PTK6: variants seen among roughly 807,000 people sequenced by gnomAD.
PTK6 encodes protein tyrosine kinase 6, also known as protein-tyrosine kinase 6.
In PTK6, 47 loss-of-function variants were observed where a neutral mutation model predicts 47.5. The ratio of observed to expected loss-of-function variants is 0.99; its 90% CI spans 0.78 to 1.26. The LOEUF (loss-of-function observed/expected upper bound fraction) is 1.26. PTK6 is among the 50% of genes most tolerant of loss of function. PTK6 has a pLI of 0.00. For synonymous variants in PTK6, 287 were observed against 276.5 expected, an observed-to-expected ratio of 1.04 and a Z score of -0.38; for missense variants, 618 against 625.3, an observed-to-expected ratio of 0.99 and a Z score of 0.12.
intron 5 of PTK6, 96 bp from the exon 6 acceptor site, chr20:63,531,023 C>T: frequency 8.4e-7 from 1 of 1,190,822 alleles, no homozygotes; most frequent in Non-Finnish European, 1.1e-6. Flanking sequence ...TGCCTCCAAG[C>T]TCTGCGGGCT....
chr20:63,529,129 G>A lies in PTK6; in HGVS notation c.*407C>T, dbSNP rs181571499. On this transcript the variant is annotated 3_prime_UTR_variant, in exon 8 of 8. Coordinates refer to ENST00000542869, the MANE Select transcript of PTK6 (RefSeq NM_005975.4). The surrounding 1 kb of genome is among the most constrained non-coding windows in gnomAD (Gnocchi z 5.6). ...GCACCAAAACCAAATTTACATGAGC[G>A]TCCCGAGCCACGCGAATGACTTTCT... 56 of 159,104 alleles carry A rather than the reference G, an allele frequency of 3.5e-4. No individual in the cohort carries two copies. Among genetic ancestry groups the A allele is most frequent in the Admixed American group, 1.3e-4 (2 of 15,574 alleles). 9.9% of individuals were successfully genotyped at this position (159,104 alleles called of 1,614,324 possible).
chr20:63,535,473 G>A (rs1569013512), intron 1 of PTK6, among the ~76,000 whole-genome samples: 1 of 151,908 alleles, frequency 6.6e-6, no homozygotes, highest in Non-Finnish European at 1.5e-5. Context: ...ACACACACGC[G>A]CATGTGTGCT....
At chr20:63,532,175 GTCTGTGTGTGTCCGTGTGA>G (rs1418209075) in intron 5 of PTK6, among the ~76,000 whole-genome samples, 4 of 141,128 alleles carry the variant, frequency 2.8e-5, no homozygotes, top group Admixed American at 1.3e-4. Flanking sequence ...GTGTGTGTGT[GTCTGTGTGTGTCCGTGTGA>G]TCTGTGTGTG....
chr20:63,532,727 C>T (rs754359474), intron 4 of PTK6, 40 bp from the exon 5 acceptor site: 2 of 1,599,480 alleles, frequency 1.3e-6, no homozygotes, highest in Non-Finnish European at 1.7e-6. Context: ...AGCCCCTGAC[C>T]CCCCAGGCCC....
rs1361148392 is a variant in PTK6, at chr20:63,534,292, G to GCCGCACAGCCTGCGTGTC, written c.358_375dup (p.Asp120_Arg125dup). 6.2e-7 allele frequency: 1 copy of GCCGCACAGCCTGCGTGTC among 1,607,416 alleles called. No individual in the cohort carries two copies. The highest frequency in any genetic ancestry group is 1.1e-5 in the South Asian group (1 of 90,134). On this transcript the variant is annotated inframe_insertion, in exon 3 of 8. Transcript: ENST00000542869. ...CCGGCACGCCGCCAGATCTTGTAGTGCCGCACAGCCTGCGTGTCCCGCACT... is the reference window on the plus strand; with the variant it reads ...CCGGCACGCCGCCAGATCTTGTAGTGCCGCACAGCCTGCGTGTCCCGCACAGCCTGCGTGTCCCGCACT...
chr20:63,530,371 G>T lies in PTK6; in HGVS notation c.1015-140C>A. ...GTCTGACCCACGCACGGCCGCTGCA[G>T]CTAAGGCCACACTGGGGCCTGACCA... On this transcript the variant is annotated intron_variant, in intron 6 of 7. Transcript: ENST00000542869. This position sits in a 1 kb window ranked among gnomAD's most constrained non-coding sequence, Gnocchi z 4.1. The T allele has an allele frequency of 8.8e-7, 1 of 1,134,930 alleles. No individual in the cohort carries two copies. The highest frequency in any genetic ancestry group is 1.2e-6 in the Non-Finnish European group (1 of 803,750). 70.3% of individuals were successfully genotyped at this position (1,134,930 alleles called of 1,614,324 possible). A position where few individuals can be genotyped will look rare whatever the true frequency, so the allele number is the denominator to read the frequency against.
rs188285303 is a variant in PTK6 at position 63,528,114 on chromosome 20, G to A, written c.*1422C>T. 6.6e-6 allele frequency: 1 copy of A among 152,270 alleles called. No homozygotes were observed. Among genetic ancestry groups the A allele is most frequent in the East Asian group, 1.9e-4 (1 of 5,194 alleles). The allele number at this position is 152,270 out of a possible 1,614,324, so 9.4% of individuals were successfully genotyped here. On this transcript the variant is annotated 3_prime_UTR_variant, in exon 8 of 8. Transcript: ENST00000542869. Reference sequence around the variant, plus strand: ...AACCAAAATTATGACTGATAACATTGCACCAGATTTCTAGGAATAGCATGT... The same window carrying A: ...AACCAAAATTATGACTGATAACATTACACCAGATTTCTAGGAATAGCATGT...
In PTK6 at chr20:63,530,796, C is replaced by T; in HGVS notation, c.964G>A (p.Glu322Lys). The T allele has an allele frequency of 1.2e-6, 2 of 1,614,112 alleles. No homozygotes were observed. The highest frequency in any genetic ancestry group is 1.7e-6 in the Non-Finnish European group (2 of 1,179,992). The part of the protein sequence containing the change: ...DLAARNILVG[E>K]NTLCKVGDFG... The stretch of plus-strand genomic sequence containing the variant: ...TCCCCAACTTTGCAGAGGGTGTTTT[C>T]CCCGACGAGGATGTTCCTGGCGGCC... Residue 322 changes from glutamate to lysine, a missense_variant, in exon 6 of 8, where the codon GAA (glutamate) becomes AAA (lysine). By Grantham distance (56) the Glu-to-Lys change is moderately conservative. Coordinates refer to ENST00000542869, the MANE Select transcript of PTK6 (RefSeq NM_005975.4). The surrounding 1 kb of genome is among the most constrained non-coding windows in gnomAD (Gnocchi z 4.1).
Position 63,534,968 on chromosome 20 carries a change from C to A in PTK6, c.322G>T (p.Glu108Ter), listed in dbSNP as rs754276353. ...ATGAFLIRVSEKPSADYVLSV... is the reference protein window; with the variant it reads ...ATGAFLIRVS ...AGGACGTAGTCGGCACTCGGCTTCTCGCTGACCCTGATCAGGAAGGCGCCC... is the reference window on the plus strand; with the variant it reads ...AGGACGTAGTCGGCACTCGGCTTCTAGCTGACCCTGATCAGGAAGGCGCCC... Residue 108 changes from glutamate (E) to a stop codon, truncating the protein, a stop_gained, in exon 2 of 8, where the codon GAG becomes TAG. Coordinates refer to ENST00000542869, the MANE Select transcript of PTK6 (RefSeq NM_005975.4). LOFTEE classifies it high-confidence loss of function. 5.6e-6 allele frequency: 9 copies of A among 1,606,752 alleles called. No individual in the cohort carries two copies. Among genetic ancestry groups the A allele is most frequent in the Middle Eastern group, 1.7e-4 (1 of 6,060 alleles).
Position 63,532,449 on chromosome 20 carries a change from G to A in PTK6, c.832+77C>T, listed in dbSNP as rs2082632271. On this transcript the variant is annotated intron_variant, in intron 5 of 7. Transcript: ENST00000542869. ...TGTCTACGTGTGTGTGTGTGTAGAC[G>A]TGGGGGGGGGGTGTGCACTTTATTT... The A allele has an allele frequency of 1.3e-5, 19 of 1,420,072 alleles. No homozygotes were observed. The South Asian group carries it at 1.4e-4, about 10-fold the overall frequency. The allele number at this position is 1,420,072 out of a possible 1,614,324, so 88.0% of individuals were successfully genotyped here. A position where few individuals can be genotyped will look rare whatever the true frequency, so the allele number is the denominator to read the frequency against.
intron 3 of PTK6, 25 bp downstream of exon 3, chr20:63,534,127 G>A (rs1464007006): frequency 6.6e-7 from 1 of 1,524,846 alleles, no homozygotes; most frequent in Non-Finnish European, 8.8e-7. Flanking sequence ...GACCCCGCGT[G>A]ACCAAGTCAG....
Position 63,533,408 on chromosome 20 carries a change from G to A in PTK6, c.670+143C>T. The A allele has an allele frequency of 1.1e-6, 1 of 939,468 alleles. No individual in the cohort carries two copies. The highest frequency in any genetic ancestry group is 1.5e-6 in the Non-Finnish European group (1 of 676,004). The allele number at this position is 939,468 out of a possible 1,614,324, so 58.2% of individuals were successfully genotyped here. A position where few individuals can be genotyped will look rare whatever the true frequency, so the allele number is the denominator to read the frequency against. ...ATAAATGTATTTAGGTAAAAACATAGGTGCAATTGAAAGGGAACCACTCTC... is the reference window on the plus strand; with the variant it reads ...ATAAATGTATTTAGGTAAAAACATAAGTGCAATTGAAAGGGAACCACTCTC... On this transcript the variant is annotated intron_variant, in intron 4 of 7. Transcript: ENST00000542869. This position sits in a 1 kb window ranked among gnomAD's most constrained non-coding sequence, Gnocchi z 4.0.
intron 5 of PTK6, among the ~76,000 whole-genome samples, chr20:63,531,924 G>A (rs75861211): frequency 0.021 from 3,138 of 152,354 alleles, 54 homozygotes; most frequent in Non-Finnish European, 0.028. Context: ...GCAAACGTGC[G>A]TGGTGCCTCA....
chr20:63,531,289 C>T (rs1020509084), intron 5 of PTK6, among the ~76,000 whole-genome samples: 43 of 151,020 alleles, frequency 2.8e-4, no homozygotes, highest in Admixed American at 1.3e-3. Context: ...GGCGTGGTGG[C>T]GGGCGCCTGT....
rs2082634453 is a variant in PTK6 at position 63,532,635 on chromosome 20, C to T, written c.723G>A (p.Lys241=). 1.2e-6 allele frequency: 2 copies of T among 1,614,154 alleles called. No individual in the cohort carries two copies. Among genetic ancestry groups the T allele is most frequent in the African/African-American group, 1.3e-5 (1 of 75,078 alleles). Residue 241 remains lysine (K), a synonymous_variant, in exon 5 of 8, where the codon AAG becomes AAA. Transcript: ENST00000542869. ...GCGCCAGGATGTGTTTGTGCCGCAG[C>T]TTCTTCATGGCCTGGATCTCCGACT... The part of the protein sequence containing the change: ...MLQSEIQAMK[K]LRHKHILALY...
rs559931657 is a variant in PTK6, at chr20:63,532,657, G to A, written c.701C>T (p.Ser234Leu). Residue 234 changes from serine to leucine, a missense_variant, in exon 5 of 8, where the codon TCG becomes TTG. By Grantham distance (145) the Ser-to-Leu change is moderately radical. Coordinates refer to ENST00000542869, the MANE Select transcript of PTK6 (RefSeq NM_005975.4). ...CAGCTTCTTCATGGCCTGGATCTCC[G>A]ACTGCAGCATCTGCTGGTGCAGGAG... ...DNLLHQQMLQ[S>L]EIQAMKKLRH... 1.1e-4 allele frequency: 175 copies of A among 1,614,026 alleles called. 2 individuals are homozygous for A. In the South Asian group the frequency reaches 1.3e-3, roughly 12 times the overall value.
intron 1 of PTK6, among the ~76,000 whole-genome samples, chr20:63,536,484 CACT>C (rs927346002): frequency 6.6e-5 from 10 of 151,158 alleles, no homozygotes; most frequent in East Asian, 4.0e-4. Context: ...GGTGCCCAAT[CACT>C]GATGAGAAAC....
intron 5 of PTK6, among the ~76,000 whole-genome samples, 177 bp downstream of exon 5, chr20:63,532,349 G>GTGTGTC (rs1239392005): frequency 2.8e-5 from 4 of 144,294 alleles, no homozygotes; most frequent in African/African-American, 1.2e-4. Flanking sequence ...GTGTGTGCAT[G>GTGTGTC]TGTGTCTGTG....
chr20:63,530,065 G>A lies in PTK6; in HGVS notation c.1168+13C>T. The A allele has an allele frequency of 6.2e-7, 1 of 1,612,884 alleles. No individual in the cohort carries two copies. Among genetic ancestry groups the A allele is most frequent in the Admixed American group, 1.7e-5 (1 of 60,014 alleles). ...TGCCTCTCATGCCCAGTCAGGGACAGTGGGGACAGTACCTGGGTAGGGCAC... is the reference window on the plus strand; with the variant it reads ...TGCCTCTCATGCCCAGTCAGGGACAATGGGGACAGTACCTGGGTAGGGCAC... On this transcript the variant is annotated intron_variant, in intron 7 of 7. Transcript: ENST00000542869. The surrounding 1 kb of genome is among the most constrained non-coding windows in gnomAD (Gnocchi z 4.1).
Sources: allele counts gnomAD v4.1 joint callset (sites outside exome capture counted in the v4.1 genomes callset), GRCh38; gene constraint gnomAD v4.1.1; non-coding constraint Gnocchi (gnomAD v3.1); transcripts MANE v1.5; gene names NCBI Gene and HGNC (gene_info 2026-07-23, HGNC 2026-07-21).